Variants in SLC25A13 observed in about 807,000 individuals in gnomAD.
SLC25A13 encodes electrogenic aspartate/glutamate antiporter SLC25A13, mitochondrial.
Under a neutral mutation model 85.5 loss-of-function variants are expected in SLC25A13, and 70 were observed. The observed-to-expected ratio is 0.82, with a 90% CI of 0.68 to 1.00. SLC25A13 has a LOEUF of 1.00. SLC25A13 is among the 50% of genes least tolerant of loss of function. The probability of loss-of-function intolerance (pLI) is 0.00; values close to 1 mark genes in which losing one functional copy is unlikely to be tolerated. For synonymous variants in SLC25A13, 259 were observed against 288.7 expected, an observed-to-expected ratio of 0.90 and a Z score of 1.04; for missense variants, 765 against 819.8, an observed-to-expected ratio of 0.93 and a Z score of 0.82.
At chr7:96,236,068 A>C (rs1224713915) in intron 3 of SLC25A13, among the ~76,000 whole-genome samples, 2 of 152,218 alleles carry the variant, frequency 1.3e-5, no homozygotes, top group African/African-American at 4.8e-5. Context: ...TAAACATCCT[A>C]TAGAGAGAAC....
chr7:96,174,475 T>C (rs1463367115), intron 11 of SLC25A13, among the ~76,000 whole-genome samples: 1 of 152,248 alleles, frequency 6.6e-6, no homozygotes, highest in East Asian at 1.9e-4. Flanking sequence ...ACAACATTAA[T>C]TTCTACTAGT....
chr7:96,160,759 C>T (rs1349729594), intron 13 of SLC25A13, among the ~76,000 whole-genome samples: 1 of 152,142 alleles, frequency 6.6e-6, no homozygotes, highest in African/African-American at 2.4e-5. Flanking sequence ...CACCCATGAG[C>T]CCTTAGTACC....
intron 1 of SLC25A13, among the ~76,000 whole-genome samples, chr7:96,305,517 C>A (rs1799711487): frequency 1.3e-5 from 2 of 152,272 alleles, no homozygotes; most frequent in East Asian, 3.9e-4. Context: ...ATTGTAATTA[C>A]CACGCCCAAT....
At chr7:96,310,601 T>C (rs2117024617) in intron 1 of SLC25A13, among the ~76,000 whole-genome samples, 1 of 152,342 alleles carries the variant, frequency 6.6e-6, no homozygotes, top group East Asian at 1.9e-4. Flanking sequence ...TCCAACAGTC[T>C]TTTACTGAAA....
At chr7:96,256,895 C>A (rs999539205) in intron 3 of SLC25A13, among the ~76,000 whole-genome samples, 3 of 152,306 alleles carry the variant, frequency 2.0e-5, no homozygotes, top group African/African-American at 7.2e-5. Flanking sequence ...CAAAGTAGAA[C>A]TCAGGATCAA....
intron 3 of SLC25A13, among the ~76,000 whole-genome samples, chr7:96,256,884 T>C (rs1206982372): frequency 6.6e-6 from 1 of 152,146 alleles, no homozygotes; most frequent in Non-Finnish European, 1.5e-5. Flanking sequence ...CACAGTGCAA[T>C]CAAAGTAGAA....
intron 14 of SLC25A13, among the ~76,000 whole-genome samples, chr7:96,138,482 A>AC (rs920231803): frequency 2.1e-5 from 3 of 145,878 alleles, no homozygotes. Flanking sequence ...TGCAGCCTTG[A>AC]CCCCCTGGGC....
intron 1 of SLC25A13, among the ~76,000 whole-genome samples, chr7:96,302,778 A>G (rs1250466271): frequency 6.6e-6 from 1 of 152,222 alleles, no homozygotes; most frequent in African/African-American, 2.4e-5. Context: ...GGAGACCATC[A>G]GCATCACCTG....
intron 5 of SLC25A13, among the ~76,000 whole-genome samples, chr7:96,194,370 G>A (rs539887512): frequency 1.4e-5 from 2 of 141,160 alleles, no homozygotes; most frequent in African/African-American, 5.1e-5. Flanking sequence ...TGAGCCTGGG[G>A]AGGAGGAGGT....
chr7:96,315,813 A>G (rs934389750), intron 1 of SLC25A13, among the ~76,000 whole-genome samples: 1 of 152,208 alleles, frequency 6.6e-6, no homozygotes, highest in African/African-American at 2.4e-5. Context: ...CATTTGAAGA[A>G]TATCTTTAAT....
At chr7:96,131,124 C>A (rs983393462) in intron 15 of SLC25A13, among the ~76,000 whole-genome samples, 3 of 152,106 alleles carry the variant, frequency 2.0e-5, no homozygotes, top group African/African-American at 7.2e-5. Context: ...CTCTTAGGGA[C>A]CCTTGAAAAG....
At chr7:96,265,397 A>G (rs1798011148) in intron 3 of SLC25A13, among the ~76,000 whole-genome samples, 1 of 152,206 alleles carries the variant, frequency 6.6e-6, no homozygotes, top group Non-Finnish European at 1.5e-5. Flanking sequence ...GAAACATGAA[A>G]ATTTTAAATC....
intron 14 of SLC25A13, among the ~76,000 whole-genome samples, chr7:96,144,894 T>C (rs573270078): frequency 2.6e-5 from 4 of 152,314 alleles, no homozygotes; most frequent in Non-Finnish European, 4.4e-5. Context: ...ACTGCCACAG[T>C]ACCTAAGTGC....
chr7:96,218,929 C>T (rs1013556648), intron 4 of SLC25A13, among the ~76,000 whole-genome samples: 1 of 152,150 alleles, frequency 6.6e-6, no homozygotes, highest in African/African-American at 2.4e-5. Flanking sequence ...GGTTAACAAC[C>T]AGCTTCTACG....
In SLC25A13 at chr7:96,308,761, C is replaced by G. The variant is rs143702071; in HGVS notation, c.16-11810G>C. On this transcript the variant is annotated intron_variant, in intron 1 of 17. Coordinates refer to ENST00000265631, the MANE Select transcript of SLC25A13 (RefSeq NM_014251.3). The stretch of plus-strand genomic sequence containing the variant: ...AAAAAGTGAATATAAATCAGTTAAA[C>G]AACAACTGAGAAGAAAAACAACAAC... Among the ~76,000 whole-genome samples, 541 of 152,150 alleles carry G rather than the reference C, an allele frequency of 3.6e-3. 2 individuals are homozygous for G. Among genetic ancestry groups the G allele is most frequent in the African/African-American group, 0.012 (515 of 41,484 alleles).
chr7:96,235,623 A>G (rs953059998), intron 3 of SLC25A13, among the ~76,000 whole-genome samples: 5 of 152,198 alleles, frequency 3.3e-5, no homozygotes, highest in Non-Finnish European at 7.3e-5. Flanking sequence ...AGGGCACTTC[A>G]GGCAGAAGGC....
chr7:96,268,204 C>A (rs1488254451), intron 3 of SLC25A13, among the ~76,000 whole-genome samples: 3 of 152,160 alleles, frequency 2.0e-5, no homozygotes, highest in Non-Finnish European at 4.4e-5. Flanking sequence ...TTAGCCTTGA[C>A]TCCCTTTAAC....
At chr7:96,234,683 G>T (rs112489349) in intron 4 of SLC25A13, 119 bp downstream of exon 4, 8 of 726,166 alleles carry the variant, frequency 1.1e-5, no homozygotes, top group African/African-American at 1.8e-5. Context: ...TACTAAAAGG[G>T]ATATACTATC....
At chr7:96,129,030 T>C (rs1393997270) in intron 15 of SLC25A13, among the ~76,000 whole-genome samples, 2 of 149,774 alleles carry the variant, frequency 1.3e-5, no homozygotes, top group African/African-American at 2.5e-5. Context: ...GGTATCCAAG[T>C]TGACCAATGG....
Sources: gnomAD v4.1 joint callset for allele counts (sites outside exome capture counted in the v4.1 genomes callset) on GRCh38, gnomAD v4.1.1 for gene constraint, MANE v1.5 for transcripts, NCBI Gene and HGNC (gene_info 2026-07-23, HGNC 2026-07-21) for gene names.